Variants in DOCK10 observed in about 807,000 individuals in gnomAD.
DOCK10 encodes dedicator of cytokinesis 10.
In DOCK10, 145 loss-of-function variants were observed where a neutral mutation model predicts 280.1. The observed-to-expected ratio is 0.52, with a 90% CI of 0.45 to 0.59. The LOEUF (loss-of-function observed/expected upper bound fraction) is 0.59. DOCK10 is among the 20% of genes least tolerant of loss of function. The probability of loss-of-function intolerance (pLI) is 0.00; values close to 1 mark genes in which losing one functional copy is unlikely to be tolerated. For missense variants in DOCK10, 2,368 were observed against 2,651.7 expected, an observed-to-expected ratio of 0.89 and a Z score of 2.35; for synonymous variants, 915 against 942.2, an observed-to-expected ratio of 0.97 and a Z score of 0.53.
chr2:224,876,951 C>A (rs1396659224), intron 7 of DOCK10, among the ~76,000 whole-genome samples: 1 of 152,212 alleles, frequency 6.6e-6, no homozygotes, highest in Non-Finnish European at 1.5e-5. Context: ...GCTTCACCAA[C>A]CTCCAGATTC....
chr2:224,931,718 T>G, intron 1 of DOCK10, 50 bp from the exon 2 acceptor site: 1 of 1,520,014 alleles, frequency 6.6e-7, no homozygotes, highest in Non-Finnish European at 8.8e-7. Flanking sequence ...ACCATCTCCC[T>G]TTTCTATGCC....
intron 1 of DOCK10, among the ~76,000 whole-genome samples, chr2:225,023,555 A>G (rs1187187864): frequency 1.3e-5 from 2 of 152,226 alleles, no homozygotes; most frequent in Non-Finnish European, 2.9e-5. Context: ...AAGTCTGACA[A>G]GTTTACTGTC....
chr2:224,796,858 G>C, intron 43 of DOCK10, 106 bp downstream of exon 43: 2 of 1,000,234 alleles, frequency 2.0e-6, no homozygotes, highest in Non-Finnish European at 3.0e-6. Context: ...GAGGACGCTA[G>C]TGGAGGAGTT....
intron 31 of DOCK10, among the ~76,000 whole-genome samples, chr2:224,810,072 C>T (rs1043298174): frequency 6.6e-6 from 1 of 150,890 alleles, no homozygotes; most frequent in Non-Finnish European, 1.5e-5. Flanking sequence ...TGAAATAAGC[C>T]AAACACAGAA....
intron 50 of DOCK10, among the ~76,000 whole-genome samples, chr2:224,785,662 A>ATTTTGTAGAGATGGG (rs1471626080): frequency 6.6e-6 from 1 of 151,910 alleles, no homozygotes; most frequent in African/African-American, 2.4e-5. Context: ...TTGTATTTTT[A>ATTTTGTAGAGATGGG]GTAGAGATGG....
intron 13 of DOCK10, among the ~76,000 whole-genome samples, 179 bp downstream of exon 13, chr2:224,864,374 G>C (rs1394892639): frequency 6.6e-6 from 1 of 152,110 alleles, no homozygotes; most frequent in Non-Finnish European, 1.5e-5. Context: ...GCTGGGCGTG[G>C]TGGCATGCAC....
At chr2:225,003,832 A>G (rs1706502466) in intron 1 of DOCK10, among the ~76,000 whole-genome samples, 1 of 152,184 alleles carries the variant, frequency 6.6e-6, no homozygotes, top group Admixed American at 6.5e-5. Context: ...GAAAGAGGCC[A>G]TCTTTTCTCT....
At chr2:224,926,919 CAGA>C (rs1469214606) in intron 2 of DOCK10, among the ~76,000 whole-genome samples, 5 of 152,170 alleles carry the variant, frequency 3.3e-5, no homozygotes, top group South Asian at 2.1e-4. Flanking sequence ...ACAATCAAGA[CAGA>C]AGAAGTCTCT....
chr2:224,771,021 A>G (rs1417683026), intron 53 of DOCK10, among the ~76,000 whole-genome samples: 1 of 151,828 alleles, frequency 6.6e-6, no homozygotes, highest in Non-Finnish European at 1.5e-5. Context: ...GCTTCAAACT[A>G]TTGGGCTCAA....
chr2:224,907,941 T>C (rs1490828200), intron 3 of DOCK10, among the ~76,000 whole-genome samples: 5 of 152,230 alleles, frequency 3.3e-5, no homozygotes, highest in African/African-American at 4.8e-5. Context: ...TGGAGAAAAA[T>C]GGACAGAATT....
chr2:224,960,927 A>G (rs1704339720), intron 1 of DOCK10, among the ~76,000 whole-genome samples: 1 of 151,074 alleles, frequency 6.6e-6, no homozygotes, highest in African/African-American at 2.4e-5. Flanking sequence ...TTTAGTAGAG[A>G]CGGGGTTTCA....
Position 224,805,008 on chromosome 2 carries a change from A to G in DOCK10, c.4118+50T>C. 1 of 1,490,464 alleles carries G rather than the reference A, an allele frequency of 6.7e-7. No homozygotes were observed. Among genetic ancestry groups the G allele is most frequent in the Non-Finnish European group, 9.1e-7 (1 of 1,099,204 alleles). 92.3% of individuals were successfully genotyped at this position (1,490,464 alleles called of 1,614,324 possible). A position where few individuals can be genotyped will look rare whatever the true frequency, so the allele number is the denominator to read the frequency against. On this transcript the variant is annotated intron_variant, in intron 37 of 55. Transcript: ENST00000258390. This position sits in a 1 kb window ranked among gnomAD's most constrained non-coding sequence, Gnocchi z 4.3. ...GAAATGAAACATGGTATAGTGGACTATTTAGAAATTTCCAGAAAAAAGTGT... is the reference window on the plus strand; with the variant it reads ...GAAATGAAACATGGTATAGTGGACTGTTTAGAAATTTCCAGAAAAAAGTGT...
intron 1 of DOCK10, among the ~76,000 whole-genome samples, chr2:225,029,283 T>TC (rs1314539556): frequency 6.6e-6 from 1 of 152,238 alleles, no homozygotes; most frequent in Non-Finnish European, 1.5e-5. Flanking sequence ...ATGATTTTCC[T>TC]CCCTCAGCTT....
Position 224,960,840 on chromosome 2 carries a change from C to T in DOCK10, c.124-29172G>A, listed in dbSNP as rs183742609. On this transcript the variant is annotated intron_variant, in intron 1 of 55. Coordinates refer to ENST00000258390, the MANE Select transcript of DOCK10 (RefSeq NM_014689.3). ...CTGCAAGCTCCGCCTCCCGGGTTCACGCCATTCTCCTGTCTCAGCCTCCCG... is the reference window on the plus strand; with the variant it reads ...CTGCAAGCTCCGCCTCCCGGGTTCATGCCATTCTCCTGTCTCAGCCTCCCG... Among the ~76,000 whole-genome samples, 665 of 146,158 alleles carry T rather than the reference C, an allele frequency of 4.5e-3. 6 individuals are homozygous for T. The highest frequency in any genetic ancestry group is 0.014 in the African/African-American group (562 of 39,970).
chr2:224,935,522 C>T (rs1421144383), intron 1 of DOCK10, among the ~76,000 whole-genome samples: 1 of 152,144 alleles, frequency 6.6e-6, no homozygotes, highest in Non-Finnish European at 1.5e-5. Flanking sequence ...GCCAGAATTC[C>T]TGGGATTCCA....
intron 1 of DOCK10, among the ~76,000 whole-genome samples, chr2:224,942,066 C>T (rs145461415): frequency 6.6e-6 from 1 of 152,334 alleles, no homozygotes; most frequent in African/African-American, 2.4e-5. Context: ...TGCTACTCTT[C>T]TTCTCTAGCA....
At chr2:224,825,348 T>A (rs745766506) in intron 27 of DOCK10, among the ~76,000 whole-genome samples, 3 of 152,198 alleles carry the variant, frequency 2.0e-5, no homozygotes, top group Non-Finnish European at 4.4e-5. Flanking sequence ...ATTTCATGGT[T>A]ACTCTCTATA....
intron 31 of DOCK10, among the ~76,000 whole-genome samples, chr2:224,810,169 G>A (rs1574858581): frequency 6.6e-6 from 1 of 152,074 alleles, no homozygotes; most frequent in South Asian, 2.1e-4. Context: ...TGATAGGTAC[G>A]ATGTACATTA....
intron 7 of DOCK10, among the ~76,000 whole-genome samples, chr2:224,883,000 A>G (rs1486186348): frequency 6.6e-6 from 1 of 152,224 alleles, no homozygotes; most frequent in Non-Finnish European, 1.5e-5. Context: ...GCCTCTACAA[A>G]GGATGTAGAG....
Sources: allele counts gnomAD v4.1 joint callset (sites outside exome capture counted in the v4.1 genomes callset), GRCh38; gene constraint gnomAD v4.1.1; non-coding constraint Gnocchi (gnomAD v3.1); transcripts MANE v1.5; gene names NCBI Gene and HGNC (gene_info 2026-07-23, HGNC 2026-07-21).